The following WDHD1 variants were observed in gnomAD, a reference collection of about 807,000 sequenced individuals.
WDHD1 encodes WD repeat and HMG-box DNA binding protein 1, also known as WD repeat and HMG-box DNA-binding protein 1.
Under a neutral mutation model 135.4 loss-of-function variants are expected in WDHD1, and 111 were observed. That is an observed-to-expected ratio of 0.82 (90% CI 0.70 to 0.96). The LOEUF is 0.96. Ranked by LOEUF, WDHD1 falls within the 40% of genes least tolerant of loss-of-function variation. WDHD1 has a pLI of 0.00. For synonymous variants in WDHD1, 434 were observed against 439.0 expected (o/e 0.99, Z 0.14); for missense variants, 1,351 against 1,336.3 (o/e 1.01, Z -0.17).
chr14:55,008,797 CTTTTTTTT>C, intron 4 of WDHD1, 78 bp from the exon 5 acceptor site: 1 of 745,840 alleles, frequency 1.3e-6, no homozygotes, highest in Non-Finnish European at 2.0e-6. Flanking sequence ...CCAAATATTT[CTTTTTTTT>C]TTTTTTTCTT....
chr14:54,989,355 C>G, intron 12 of WDHD1, 143 bp from the exon 13 acceptor site: 1 of 556,336 alleles, frequency 1.8e-6, no homozygotes, highest in Non-Finnish European at 3.0e-6. Flanking sequence ...TCTCATCTAT[C>G]TCTAAATAGT....
intron 21 of WDHD1, among the ~76,000 whole-genome samples, chr14:54,960,758 G>A (rs540785047): frequency 1.2e-4 from 18 of 146,354 alleles, no homozygotes; most frequent in South Asian, 2.2e-4. Context: ...CACCTGCCTC[G>A]GCCTCCCAAA....
chr14:54,958,768 C>T (rs2041202049), intron 21 of WDHD1, among the ~76,000 whole-genome samples: 1 of 152,178 alleles, frequency 6.6e-6, no homozygotes, highest in African/African-American at 2.4e-5. Context: ...CTACCTGATG[C>T]TCAAATGTTG....
intron 7 of WDHD1, chr14:55,005,814 T>C (rs762569265): frequency 2.2e-5 from 6 of 271,186 alleles, no homozygotes; most frequent in Non-Finnish European, 4.2e-5. Context: ...AGACATCTTA[T>C]TGGTACTTTA....
Position 54,941,496 on chromosome 14 carries a change from C to T in WDHD1, c.3384G>A (p.Gln1128=), listed in dbSNP as rs762134175. The T allele has an allele frequency of 2.5e-5, 41 of 1,609,062 alleles. No individual in the cohort carries two copies. The East Asian group carries it at 8.3e-4, about 32-fold the overall frequency. ...CTAGGGTCACTTTCTTCCTTTACTC[C>T]TGCTTAAATGCAAAAGCTGATAGTT... ...NQKLSAFAFK[Q]E The change falls in exon 26 of 26, where the codon CAG becomes CAA. Residue 1128 remains glutamine, a synonymous_variant. Transcript: ENST00000360586.
intron 7 of WDHD1, 60 bp downstream of exon 7, chr14:55,007,220 T>G: frequency 1.6e-6 from 2 of 1,274,628 alleles, no homozygotes; most frequent in South Asian, 2.7e-5. Flanking sequence ...AGAGTGAGAC[T>G]CCATCTCTAA....
At chr14:55,006,910 G>A (rs2042079351) in intron 7 of WDHD1, among the ~76,000 whole-genome samples, 1 of 151,942 alleles carries the variant, frequency 6.6e-6, no homozygotes. Context: ...AAGTTGAAAA[G>A]GACTGAATAA....
At chr14:54,943,541 G>T (rs1256600072) in intron 25 of WDHD1, among the ~76,000 whole-genome samples, 3 of 151,922 alleles carry the variant, frequency 2.0e-5, no homozygotes, top group African/African-American at 7.3e-5. Flanking sequence ...TGGGACTACA[G>T]GTGTGTGCCA....
intron 15 of WDHD1, 131 bp downstream of exon 15, chr14:54,984,592 A>C: frequency 1.2e-6 from 1 of 818,440 alleles, no homozygotes; most frequent in Non-Finnish European, 1.7e-6. Context: ...ATTAAAATAG[A>C]AATTTAAAAT....
At chr14:54,955,830 C>A in intron 23 of WDHD1, 136 bp from the exon 24 acceptor site, 3 of 790,812 alleles carry the variant, frequency 3.8e-6, no homozygotes, top group South Asian at 9.4e-5. Context: ...CTGGAGTTCT[C>A]AGTTGTAAAT....
intron 16 of WDHD1, among the ~76,000 whole-genome samples, chr14:54,977,574 T>C (rs2041545397): frequency 1.3e-5 from 2 of 152,292 alleles, no homozygotes; most frequent in South Asian, 4.1e-4. Flanking sequence ...AATGTAGAGC[T>C]ACTAGAGCTA....
At chr14:54,976,501 A>G (rs1030916231) in intron 16 of WDHD1, among the ~76,000 whole-genome samples, 2 of 152,202 alleles carry the variant, frequency 1.3e-5, no homozygotes, top group African/African-American at 4.8e-5. Flanking sequence ...CTGGCCAAAA[A>G]TGAATTTCTT....
At chr14:54,991,447 T>C (rs541427942) in intron 11 of WDHD1, 47 bp from the exon 12 acceptor site, 3 of 1,562,254 alleles carry the variant, frequency 1.9e-6, no homozygotes, top group East Asian at 4.5e-5. Flanking sequence ...ATACCAATGA[T>C]TTGGAAAAAG....
intron 2 of WDHD1, among the ~76,000 whole-genome samples, chr14:55,021,803 A>G (rs1050882726): frequency 1.3e-5 from 2 of 152,188 alleles, no homozygotes; most frequent in African/African-American, 2.4e-5. Flanking sequence ...TCTGCTGTCA[A>G]TCTTAAGTCA....
intron 16 of WDHD1, among the ~76,000 whole-genome samples, chr14:54,973,178 T>C (rs2041469154): frequency 6.6e-6 from 1 of 152,222 alleles, no homozygotes; most frequent in South Asian, 2.1e-4. Context: ...ACGAAATCTC[T>C]TTTTGAATGC....
chr14:55,001,583 A>G (rs1225143710), intron 8 of WDHD1, among the ~76,000 whole-genome samples: 1 of 152,180 alleles, frequency 6.6e-6, no homozygotes, highest in African/African-American at 2.4e-5. Context: ...TTTTCAAAGC[A>G]AAACCTAAAA....
chr14:55,004,668 G>T (rs1389044671), intron 7 of WDHD1: 1 of 320,862 alleles, frequency 3.1e-6, no homozygotes, highest in Admixed American at 4.0e-5. Flanking sequence ...TCCCAGGCTG[G>T]TCTTGAACTC....
chr14:54,995,885 AC>A, intron 10 of WDHD1, 72 bp from the exon 11 acceptor site: 1 of 1,201,272 alleles, frequency 8.3e-7, no homozygotes, highest in Non-Finnish European at 1.1e-6. Context: ...AAAAAGGTAA[AC>A]TTTTAATATG....
At chr14:55,007,945 C>G (rs1261810620) in intron 6 of WDHD1, among the ~76,000 whole-genome samples, 1 of 152,142 alleles carries the variant, frequency 6.6e-6, no homozygotes, top group East Asian at 1.9e-4. Flanking sequence ...TTTGAATAAA[C>G]TGTATATGTG....
Sources: gnomAD v4.1 joint callset for allele counts (sites outside exome capture counted in the v4.1 genomes callset) on GRCh38, gnomAD v4.1.1 for gene constraint, MANE v1.5 for transcripts, NCBI Gene and HGNC (gene_info 2026-07-23, HGNC 2026-07-21) for gene names.